TMEM68: variants seen among roughly 807,000 people sequenced by gnomAD.
TMEM68 encodes DGAT1/2-independent enzyme synthesizing storage lipids.
TMEM68 carries 25 observed loss-of-function variants against 36.9 expected under a neutral mutation model. That is an observed-to-expected ratio of 0.68 (90% CI 0.49 to 0.95). The LOEUF is 0.95. Among genes scored for constraint, TMEM68 ranks in the 40% least tolerant of loss-of-function variants. The probability of loss-of-function intolerance (pLI) is 0.00; values close to 1 mark genes in which losing one functional copy is unlikely to be tolerated. For missense variants in TMEM68, 333 were observed against 392.0 expected, an observed-to-expected ratio of 0.85 and a Z score of 1.27; for synonymous variants, 131 against 124.4, an observed-to-expected ratio of 1.05 and a Z score of -0.35.
intron 4 of TMEM68, among the ~76,000 whole-genome samples, chr8:55,752,272 T>G (rs1449904811): frequency 6.6e-6 from 1 of 151,112 alleles, no homozygotes; most frequent in African/African-American, 2.4e-5. Flanking sequence ...CTGAGGCAAG[T>G]TTATAAATAG....
intron 3 of TMEM68, among the ~76,000 whole-genome samples, chr8:55,756,670 A>C (rs1397159026): frequency 1.3e-5 from 2 of 152,142 alleles, no homozygotes; most frequent in Non-Finnish European, 2.9e-5. Context: ...ACACTAAGGA[A>C]GGCACTCACA....
At chr8:55,769,876 G>A (rs1438343156) in intron 1 of TMEM68, among the ~76,000 whole-genome samples, 2 of 152,104 alleles carry the variant, frequency 1.3e-5, no homozygotes, top group African/African-American at 2.4e-5. Flanking sequence ...CAAGTGATCC[G>A]CCCGCCTCCA....
intron 5 of TMEM68, chr8:55,747,885 C>G: frequency 6.6e-6 from 1 of 152,150 alleles, no homozygotes; most frequent in East Asian, 1.9e-4. Flanking sequence ...TTTGCCACTT[C>G]CAACCAGTAT....
At chr8:55,749,991 C>G (rs981641815) in intron 5 of TMEM68, among the ~76,000 whole-genome samples, 1 of 152,034 alleles carries the variant, frequency 6.6e-6, no homozygotes, top group African/African-American at 2.4e-5. Flanking sequence ...AAAATGTAAA[C>G]TTAAGGATGA....
chr8:55,739,976 A>T lies in TMEM68; in HGVS notation c.*156T>A. ...TGACACAATTGCAAAAACAAAATTGACTATTTTAAAGAAACGAATTCTGTG... is the reference window on the plus strand; with the variant it reads ...TGACACAATTGCAAAAACAAAATTGTCTATTTTAAAGAAACGAATTCTGTG... On this transcript the variant is annotated 3_prime_UTR_variant, in exon 8 of 8. Coordinates refer to ENST00000434581, the MANE Select transcript of TMEM68 (RefSeq NM_001286657.2). 1 of 552,226 alleles carries T rather than the reference A, an allele frequency of 1.8e-6. No individual in the cohort carries two copies. 34.2% of individuals were successfully genotyped at this position (552,226 alleles called of 1,614,324 possible).
chr8:55,741,011 A>C (rs1242992839), intron 7 of TMEM68, among the ~76,000 whole-genome samples: 1 of 152,188 alleles, frequency 6.6e-6, no homozygotes, highest in Non-Finnish European at 1.5e-5. Flanking sequence ...AGGTGGGTGG[A>C]TCACCTGAGA....
At chr8:55,770,887 G>T (rs150930852) in intron 1 of TMEM68, among the ~76,000 whole-genome samples, 79 of 152,268 alleles carry the variant, frequency 5.2e-4, no homozygotes, top group African/African-American at 1.9e-3. Context: ...CACGCGCGGT[G>T]GCTCATGCCT....
chr8:55,750,901 A>G, intron 5 of TMEM68, 63 bp downstream of exon 5: 1 of 1,526,796 alleles, frequency 6.5e-7, no homozygotes, highest in East Asian at 2.3e-5. Flanking sequence ...TTGGCTCATT[A>G]CTTAACCATT....
At chr8:55,753,254 C>G (rs572894942) in intron 4 of TMEM68, among the ~76,000 whole-genome samples, 1 of 151,914 alleles carries the variant, frequency 6.6e-6, no homozygotes, top group East Asian at 1.9e-4. Flanking sequence ...TAGAGAAAAA[C>G]AGTTAAGTAA....
intron 1 of TMEM68, among the ~76,000 whole-genome samples, chr8:55,770,973 T>C (rs1811137526): frequency 6.6e-6 from 1 of 152,094 alleles, no homozygotes; most frequent in Non-Finnish European, 1.5e-5. Flanking sequence ...CTGACCAATG[T>C]GGAGAAACCC....
At position 55,746,317 on chromosome 8, in the gene TMEM68, C is replaced by CAAAAAAAAAAAAAA. The variant is rs376241142; in HGVS notation, c.688-1210_688-1197dup. 2.3e-4 allele frequency: 13 copies of CAAAAAAAAAAAAAA among 57,196 alleles called. 2 individuals carry two copies. Among genetic ancestry groups the CAAAAAAAAAAAAAA allele is most frequent in the African/African-American group, 1.0e-3 (13 of 13,044 alleles). 3.5% of individuals were successfully genotyped at this position (57,196 alleles called of 1,614,324 possible). A position where few individuals can be genotyped will look rare whatever the true frequency, so the allele number is the denominator to read the frequency against. On this transcript the variant is annotated intron_variant, in intron 5 of 7. Transcript: ENST00000434581. Reference sequence around the variant, plus strand: ...GGCAATAGAGCGAGACACTGTCTCCCAAAAAAAAAAAAAAAAAAAAAAAAG... The same window carrying CAAAAAAAAAAAAAA: ...GGCAATAGAGCGAGACACTGTCTCCCAAAAAAAAAAAAAAAAAAAAAAAAAAAAAAAAAAAAAAG...
intron 4 of TMEM68, chr8:55,751,411 T>C (rs1483644752): frequency 2.4e-6 from 1 of 423,884 alleles, no homozygotes; most frequent in Non-Finnish European, 4.2e-6. Context: ...ATGAGAAAAC[T>C]TGGGCTTACA....
At chr8:55,741,206 T>C (rs912151179) in intron 7 of TMEM68, among the ~76,000 whole-genome samples, 1 of 152,138 alleles carries the variant, frequency 6.6e-6, no homozygotes, top group Admixed American at 6.5e-5. Flanking sequence ...CACTGTAGCC[T>C]GGGCAACAAG....
At position 55,756,418 on chromosome 8, in the gene TMEM68, G is replaced by T; in HGVS notation, c.326-7C>A. On this transcript the variant is annotated splice_region_variant and splice_polypyrimidine_tract_variant and intron_variant, in intron 3 of 7. Transcript: ENST00000434581. ...ATTCCATGAACTTCATAACCTGTTTGAATGACAAAATGCAAATACTTAAAA... is the reference window on the plus strand; with the variant it reads ...ATTCCATGAACTTCATAACCTGTTTTAATGACAAAATGCAAATACTTAAAA... The T allele has an allele frequency of 6.4e-7, 1 of 1,553,844 alleles. No homozygotes were observed. Among genetic ancestry groups the T allele is most frequent in the South Asian group, 1.3e-5 (1 of 79,232 alleles).
chr8:55,744,869 T>C (rs1810223858), intron 6 of TMEM68, among the ~76,000 whole-genome samples, 192 bp downstream of exon 6: 2 of 152,208 alleles, frequency 1.3e-5, no homozygotes, highest in African/African-American at 4.8e-5. Flanking sequence ...ATATGTACTC[T>C]CAACAAAAAT....
chr8:55,754,695 G>GTAATATATATTATATATA (rs1563432177), intron 4 of TMEM68, among the ~76,000 whole-genome samples: 6 of 114,652 alleles, frequency 5.2e-5, no homozygotes, highest in Non-Finnish European at 1.0e-4. Context: ...TATTATATAT[G>GTAATATATATTATATATA]AAATACATAC....
At chr8:55,745,720 A>C (rs1810250013) in intron 5 of TMEM68, 1 of 152,310 alleles carries the variant, frequency 6.6e-6, no homozygotes, top group Admixed American at 6.5e-5. Context: ...AGTTGGGGAC[A>C]GAGTCTCACT....
At chr8:55,765,004 G>A (rs182701439) in intron 1 of TMEM68, among the ~76,000 whole-genome samples, 6 of 152,154 alleles carry the variant, frequency 3.9e-5, no homozygotes, top group East Asian at 1.9e-4. Flanking sequence ...CCTGGGAGGC[G>A]GAGGTTGCAG....
chr8:55,764,017 A>G (rs910242451), intron 1 of TMEM68, 37 bp from the exon 2 acceptor site: 2 of 152,238 alleles, frequency 1.3e-5, no homozygotes, highest in Admixed American at 1.3e-4. Context: ...GAAATAAATT[A>G]CTAAGAAAAA....
Sources: allele counts gnomAD v4.1 joint callset (sites outside exome capture counted in the v4.1 genomes callset), GRCh38; gene constraint gnomAD v4.1.1; transcripts MANE v1.5; gene names NCBI Gene and HGNC (gene_info 2026-07-23, HGNC 2026-07-21).